RRN3: variants seen among roughly 807,000 people sequenced by gnomAD.
The protein encoded by RRN3 is RNA polymerase I-specific transcription initiation factor RRN3.
RRN3 carries 38 observed loss-of-function variants against 82.3 expected under a neutral mutation model. The observed-to-expected ratio is 0.46, with a 90% CI of 0.36 to 0.61. The LOEUF is 0.61. Among genes scored for constraint, RRN3 ranks in the 20% least tolerant of loss-of-function variants. The probability of loss-of-function intolerance (pLI) is 0.00; values close to 1 mark genes in which losing one functional copy is unlikely to be tolerated. For synonymous variants in RRN3, 284 were observed against 284.3 expected (o/e 1.00, Z 0.01); for missense variants, 726 against 793.1 (o/e 0.92, Z 1.02).
rs756641855 is a variant in RRN3, at chr16:15,068,183, A to G, written c.1539T>C (p.Phe513=). The G allele has an allele frequency of 3.2e-6, 5 of 1,587,084 alleles. No homozygotes were observed. Among genetic ancestry groups the G allele is most frequent in the Non-Finnish European group, 4.3e-6 (5 of 1,166,482 alleles). Reference sequence around the variant, plus strand: ...AAATAACTTACTTTGTGATTGCAGCAAAAAAGTTAACCACTGAGGGCAGGC... The same window carrying G: ...AAATAACTTACTTTGTGATTGCAGCGAAAAAGTTAACCACTGAGGGCAGGC... ...KICLPSVVNF[F]AAITNKYQLV... The change falls in exon 15 of 18, where the codon TTT becomes TTC. Residue 513 remains phenylalanine, a synonymous_variant. Transcript: ENST00000198767.
At chr16:15,092,334 GA>G (rs1041495203) in intron 2 of RRN3, among the ~76,000 whole-genome samples, 174 bp downstream of exon 2, 14 of 151,948 alleles carry the variant, frequency 9.2e-5, no homozygotes, top group African/African-American at 2.7e-4. Context: ...CAAGGTGGGG[GA>G]AAAAAAGGAC....
intron 1 of RRN3, chr16:15,093,822 T>C (rs181029729): frequency 1.3e-4 from 53 of 409,480 alleles, no homozygotes; most frequent in African/African-American, 9.1e-4. Context: ...CCCAGGGAAA[T>C]CCCTTCCAAA....
chr16:15,081,826 G>A (rs751495775), intron 8 of RRN3, among the ~76,000 whole-genome samples: 159 of 152,214 alleles, frequency 1.0e-3, no homozygotes, highest in Admixed American at 2.5e-3. Flanking sequence ...CTTTTATTGA[G>A]TTCATTTTTA....
intron 9 of RRN3, among the ~76,000 whole-genome samples, chr16:15,077,763 C>A (rs1013175345): frequency 1.3e-5 from 2 of 152,228 alleles, no homozygotes; most frequent in African/African-American, 4.8e-5. Flanking sequence ...ACTGCTTGAA[C>A]CCCGGAGGTG....
intron 2 of RRN3, among the ~76,000 whole-genome samples, chr16:15,091,743 A>G (rs1388502850): frequency 6.6e-6 from 1 of 152,250 alleles, no homozygotes; most frequent in Non-Finnish European, 1.5e-5. Context: ...GATATTACAT[A>G]TAAACATATG....
At chr16:15,080,989 A>G (rs186025428) in intron 8 of RRN3, among the ~76,000 whole-genome samples, 182 of 152,050 alleles carry the variant, frequency 1.2e-3, no homozygotes, top group Non-Finnish European at 2.2e-3. Flanking sequence ...CATTCCTTTC[A>G]TATCAATGGA....
In RRN3 at chr16:15,094,162, C is replaced by T; in HGVS notation, c.72G>A (p.Leu24=). 6.2e-7 allele frequency: 1 copy of T among 1,601,344 alleles called. No individual in the cohort carries two copies. Among genetic ancestry groups the T allele is most frequent in the South Asian group, 1.1e-5 (1 of 88,476 alleles). The change falls in exon 1 of 18, where the codon CTG becomes CTA. Residue 24 remains leucine, a synonymous_variant. Coordinates refer to ENST00000198767, the MANE Select transcript of RRN3 (RefSeq NM_018427.5). ...AAASSSAVKK[L]GASRTGISNM... is the part of the protein sequence containing the mutation. ...AATCTTACCCAGTCCTCGACGCGCC[C>T]AGCTTCTTAACTGCAGAGGACGAAG...
chr16:15,092,372 G>A (rs1225458675), intron 2 of RRN3, 137 bp downstream of exon 2: 10 of 662,564 alleles, frequency 1.5e-5, no homozygotes, highest in Non-Finnish European at 2.7e-5. Context: ...TGCACTGACG[G>A]CATCATGCTA....
chr16:15,080,336 T>C (rs571348480), intron 8 of RRN3, among the ~76,000 whole-genome samples: 7 of 152,368 alleles, frequency 4.6e-5, no homozygotes, highest in South Asian at 2.1e-4. Flanking sequence ...AGTAGCTGTA[T>C]TGATAAAACT....
At chr16:15,065,440 T>G (rs2044927635) in intron 15 of RRN3, 69 bp from the exon 16 acceptor site, 2 of 1,396,930 alleles carry the variant, frequency 1.4e-6, no homozygotes, top group South Asian at 2.6e-5. Flanking sequence ...AGATGTGAGC[T>G]GCGTGTGACA....
chr16:15,093,850 G>A (rs1328388090), intron 1 of RRN3: 20 of 452,906 alleles, frequency 4.4e-5, no homozygotes, highest in Non-Finnish European at 6.6e-5. Flanking sequence ...GAAGAAGAGG[G>A]AAGGAAGAGG....
chr16:15,092,948 T>C (rs549544754), intron 1 of RRN3, among the ~76,000 whole-genome samples: 1 of 152,330 alleles, frequency 6.6e-6, no homozygotes, highest in East Asian at 1.9e-4. Flanking sequence ...CAAGCTGTTT[T>C]TCATTTCACT....
chr16:15,075,711 T>C (rs1313443675), intron 10 of RRN3, among the ~76,000 whole-genome samples: 8 of 152,286 alleles, frequency 5.3e-5, no homozygotes, highest in South Asian at 4.1e-4. Flanking sequence ...CTGATTCTCA[T>C]TGAGAAGACC....
In RRN3 at chr16:15,080,457, C is replaced by A. The variant is rs148435893; in HGVS notation, c.667-361G>T. ...AGAACATTTATTTTTCTTTTAGAGA[C>A]AGGGTCTTGCTCTCTCTCTCAGGAT... is the stretch of plus-strand genomic sequence containing the variant. On this transcript the variant is annotated intron_variant, in intron 8 of 17. Coordinates refer to ENST00000198767, the MANE Select transcript of RRN3 (RefSeq NM_018427.5). Among the ~76,000 whole-genome samples the A allele has an allele frequency of 1.2e-3, 180 of 152,250 alleles. 1 individual carries two copies. The highest frequency in any genetic ancestry group is 4.3e-3 in the African/African-American group (178 of 41,556).
chr16:15,085,853 C>A (rs1312517327), intron 5 of RRN3, among the ~76,000 whole-genome samples, 155 bp from the exon 6 acceptor site: 3 of 152,028 alleles, frequency 2.0e-5, no homozygotes, highest in African/African-American at 7.2e-5. Context: ...AACGCACAAT[C>A]TGAAAAAAAG....
chr16:15,080,907 C>T (rs2045671793), intron 8 of RRN3, among the ~76,000 whole-genome samples: 1 of 151,744 alleles, frequency 6.6e-6, no homozygotes, highest in Non-Finnish European at 1.5e-5. Context: ...TAAACCATTC[C>T]TCTCATATCA....
chr16:15,080,794 A>G (rs1180853790), intron 8 of RRN3, among the ~76,000 whole-genome samples: 1 of 150,006 alleles, frequency 6.7e-6, no homozygotes, highest in African/African-American at 2.4e-5. Context: ...AAAAATGAAG[A>G]CCTTGGCAAC....
At chr16:15,093,959 G>A (rs1465638351) in intron 1 of RRN3, 186 bp downstream of exon 1, 2 of 623,476 alleles carry the variant, frequency 3.2e-6, no homozygotes, top group African/African-American at 1.9e-5. Flanking sequence ...CACTTTTCCA[G>A]GCCCCACCCA....
intron 3 of RRN3, among the ~76,000 whole-genome samples, chr16:15,089,901 A>G (rs867587643): frequency 2.6e-5 from 4 of 151,064 alleles, no homozygotes; most frequent in Middle Eastern, 3.2e-3. Context: ...CAAGGAATAC[A>G]AGGCTTAAAA....
Sources: gnomAD v4.1 joint callset for allele counts (sites outside exome capture counted in the v4.1 genomes callset) on GRCh38, gnomAD v4.1.1 for gene constraint, MANE v1.5 for transcripts, NCBI Gene and HGNC (gene_info 2026-07-23, HGNC 2026-07-21) for gene names.